TSHZ2: variants seen among roughly 807,000 people sequenced by gnomAD.
TSHZ2 encodes the protein teashirt homolog 2.
Under a neutral mutation model 74.4 loss-of-function variants are expected in TSHZ2, and 21 were observed. The ratio of observed to expected loss-of-function variants is 0.28; its 90% CI spans 0.20 to 0.41. TSHZ2 has a LOEUF of 0.41. TSHZ2 is among the 10% of genes least tolerant of loss of function. TSHZ2 has a pLI of 1.00. For missense variants in TSHZ2, 1,244 were observed against 1,293.5 expected (o/e 0.96, Z 0.59); for synonymous variants, 540 against 515.3 (o/e 1.05, Z -0.65).
intron 2 of TSHZ2, among the ~76,000 whole-genome samples, chr20:53,321,712 C>A (rs1033501669): frequency 1.9e-5 from 2 of 106,862 alleles, no homozygotes; most frequent in African/African-American, 6.9e-5. Context: ...AAAGACATTC[C>A]TAAGCCAGCA....
At chr20:53,033,478 A>T (rs1483034714) in intron 1 of TSHZ2, among the ~76,000 whole-genome samples, 1 of 152,100 alleles carries the variant, frequency 6.6e-6, no homozygotes, top group Non-Finnish European at 1.5e-5. Flanking sequence ...CAGTATCTTC[A>T]TCATTAAATT....
rs577838882 is a variant in TSHZ2 at position 53,324,374 on chromosome 20, G to A, written c.*8+67803G>A. ...TTTTCTACTTTTTGTTTTTGGTTTT[G>A]TTTTGTTTTGCTTTGTTTTTTGAGA... On this transcript the variant is annotated intron_variant, in intron 2 of 2. Coordinates refer to ENST00000371497, the MANE Select transcript of TSHZ2 (RefSeq NM_173485.6). Among the ~76,000 whole-genome samples the A allele has an allele frequency of 2.6e-5, 4 of 152,108 alleles. No homozygotes were observed. The East Asian group carries it at 7.7e-4, about 29-fold the overall frequency.
At chr20:53,019,750 C>G (rs189696147) in intron 1 of TSHZ2, among the ~76,000 whole-genome samples, 3 of 152,134 alleles carry the variant, frequency 2.0e-5, no homozygotes, top group Non-Finnish European at 4.4e-5. Context: ...ACAATCTACT[C>G]GTAGAATTGT....
At chr20:53,273,875 G>A (rs1990888426) in intron 2 of TSHZ2, among the ~76,000 whole-genome samples, 1 of 152,152 alleles carries the variant, frequency 6.6e-6, no homozygotes, top group Admixed American at 6.5e-5. Flanking sequence ...GCCCCGGGTG[G>A]GCTCTAGAGG....
chr20:53,376,766 C>T (rs546612483), intron 2 of TSHZ2, among the ~76,000 whole-genome samples: 2 of 152,236 alleles, frequency 1.3e-5, no homozygotes, highest in Non-Finnish European at 2.9e-5. Context: ...AATCTGGCTT[C>T]CTCACAACAT....
At chr20:53,271,681 C>A (rs1990842284) in intron 2 of TSHZ2, among the ~76,000 whole-genome samples, 1 of 152,098 alleles carries the variant, frequency 6.6e-6, no homozygotes, top group African/African-American at 2.4e-5. Flanking sequence ...AGGAGCTAGC[C>A]AGGAGGATAA....
intron 1 of TSHZ2, chr20:53,198,095 A>G (rs1432802879): frequency 1.3e-5 from 2 of 152,244 alleles, no homozygotes. Flanking sequence ...GGAGTCTTCT[A>G]GGGCAGGAAA....
intron 1 of TSHZ2, among the ~76,000 whole-genome samples, chr20:53,042,676 A>T (rs1022222911): frequency 3.4e-5 from 5 of 149,250 alleles, no homozygotes; most frequent in Admixed American, 2.7e-4. Flanking sequence ...GCTATTAACT[A>T]CTACACTATT....
At chr20:53,295,141 C>T (rs374353623) in intron 2 of TSHZ2, among the ~76,000 whole-genome samples, 15 of 152,316 alleles carry the variant, frequency 9.8e-5, no homozygotes, top group African/African-American at 3.1e-4. Context: ...GCTTCAACAA[C>T]CCAGGTTCAT....
intron 1 of TSHZ2, among the ~76,000 whole-genome samples, chr20:53,170,166 C>G (rs1988163456): frequency 6.6e-6 from 1 of 152,164 alleles, no homozygotes; most frequent in Non-Finnish European, 1.5e-5. Flanking sequence ...GCCCCAAAGT[C>G]TAGACTTTGT....
At chr20:52,977,421 TACACAC>T (rs36230826) in intron 1 of TSHZ2, among the ~76,000 whole-genome samples, 29,736 of 141,172 alleles carry the variant, frequency 0.21, 3,129 homozygotes, top group African/African-American at 0.27. Context: ...AATGGAAAAA[TACACAC>T]ACACACACAC....
intron 2 of TSHZ2, among the ~76,000 whole-genome samples, chr20:53,298,841 A>T (rs1991429062): frequency 6.6e-6 from 1 of 152,250 alleles, no homozygotes; most frequent in Admixed American, 6.5e-5. Flanking sequence ...GAGATTGGTC[A>T]CAAATAATTT....
chr20:53,122,016 G>C (rs1986823804), intron 1 of TSHZ2, among the ~76,000 whole-genome samples: 1 of 152,124 alleles, frequency 6.6e-6, no homozygotes, highest in Admixed American at 6.5e-5. Flanking sequence ...GCTGGGCGTG[G>C]TGGCTTATGC....
chr20:53,083,615 A>T (rs903372360), intron 1 of TSHZ2, among the ~76,000 whole-genome samples: 1 of 152,212 alleles, frequency 6.6e-6, no homozygotes, highest in African/African-American at 2.4e-5. Context: ...TTCAGGCTCA[A>T]ACCTTAGTCT....
chr20:53,194,700 G>C (rs565583233), intron 1 of TSHZ2, among the ~76,000 whole-genome samples: 1 of 152,338 alleles, frequency 6.6e-6, no homozygotes, highest in East Asian at 1.9e-4. Flanking sequence ...TTCACCTAAT[G>C]TGATCATTAT....
At chr20:53,085,408 T>C (rs1019871987) in intron 1 of TSHZ2, among the ~76,000 whole-genome samples, 1 of 152,090 alleles carries the variant, frequency 6.6e-6, no homozygotes, top group Non-Finnish European at 1.5e-5. Context: ...GAAAGACCGA[T>C]ATTTCACTTT....
chr20:53,025,809 A>G (rs1400256451), intron 1 of TSHZ2, among the ~76,000 whole-genome samples: 2 of 152,184 alleles, frequency 1.3e-5, no homozygotes, highest in African/African-American at 4.8e-5. Context: ...CTAAAATGTA[A>G]TATGAGCTTC....
intron 1 of TSHZ2, among the ~76,000 whole-genome samples, chr20:53,202,440 ATACT>A (rs1417200653): frequency 5.3e-5 from 8 of 152,186 alleles, no homozygotes; most frequent in African/African-American, 1.9e-4. Context: ...AGCTGTGTTG[ATACT>A]TACTAGTAAT....
At chr20:53,280,436 ATGTC>A (rs1281581226) in intron 2 of TSHZ2, among the ~76,000 whole-genome samples, 2 of 152,184 alleles carry the variant, frequency 1.3e-5, no homozygotes, top group African/African-American at 2.4e-5. Flanking sequence ...GAGGTAGTAA[ATGTC>A]TGGGCACTAA....
Sources: allele counts gnomAD v4.1 joint callset (sites outside exome capture counted in the v4.1 genomes callset), GRCh38; gene constraint gnomAD v4.1.1; transcripts MANE v1.5; gene names NCBI Gene and HGNC (gene_info 2026-07-23, HGNC 2026-07-21).